Variants in CLRN1 observed in about 807,000 individuals in gnomAD.
CLRN1 encodes the protein clarin 1.
In CLRN1, 15 loss-of-function variants were observed where a neutral mutation model predicts 18.7. The observed-to-expected ratio is 0.80, with a 90% CI of 0.54 to 1.23. The LOEUF is 1.23. Ranked by LOEUF, CLRN1 falls within the 50% of genes most tolerant of loss-of-function variation. The pLI is 0.00. For missense variants in CLRN1, 311 were observed against 277.5 expected (o/e 1.12, Z -0.86); for synonymous variants, 104 against 102.9 (o/e 1.01, Z -0.07).
intron 1 of CLRN1, chr3:150,943,867 A>G: frequency 6.2e-7 from 1 of 1,614,178 alleles, no homozygotes. Flanking sequence ...TCACAGCACT[A>G]AAGCAGCCAG....
rs748584811 is a variant in CLRN1 at position 150,972,592 on chromosome 3, G to A, written c.117C>T (p.Leu39=). Residue 39 remains leucine (L), a synonymous_variant, in exon 1 of 3, where the codon CTC becomes CTT. Coordinates refer to ENST00000327047, the MANE Select transcript of CLRN1 (RefSeq NM_174878.3). ...GTPLWIKATV[L]CKTGALLVNA... ...TGACGAGCAGAGCTCCCGTTTTGCA[G>A]AGGACAGTGGCTTTGATCCACAACG... 6.2e-6 allele frequency: 10 copies of A among 1,614,126 alleles called. No individual in the cohort carries two copies. In the Admixed American group the frequency reaches 1.5e-4, roughly 24 times the overall value.
In CLRN1 at chr3:150,926,924, T is replaced by C. The variant is rs1471629686; in HGVS notation, c.*1012A>G. The stretch of plus-strand genomic sequence containing the variant: ...AGGGGAAAAAAAAAGTTGACCTGGG[T>C]CATGCTTGGTGACAGCCAGAACAAG... On this transcript the variant is annotated 3_prime_UTR_variant, in exon 3 of 3. Coordinates refer to ENST00000327047, the MANE Select transcript of CLRN1 (RefSeq NM_174878.3). 1 of 1,613,698 alleles carries C rather than the reference T, an allele frequency of 6.2e-7. No homozygotes were observed. Among genetic ancestry groups the C allele is most frequent in the Non-Finnish European group, 8.5e-7 (1 of 1,179,908 alleles).
chr3:150,926,600 C>T lies in CLRN1; in HGVS notation c.*1336G>A. 2.9e-6 allele frequency: 2 copies of T among 679,204 alleles called. No homozygotes were observed. The highest frequency in any genetic ancestry group is 2.8e-5 in the East Asian group (1 of 35,692). The allele number at this position is 679,204 out of a possible 1,614,324, so 42.1% of individuals were successfully genotyped here. ...GAAACTCGGTGTGTTCTGATGTCTG[C>T]TGGCGAATAGCGAATTGACACCAGA... is the stretch of plus-strand genomic sequence containing the variant. On this transcript the variant is annotated 3_prime_UTR_variant, in exon 3 of 3. Coordinates refer to ENST00000327047, the MANE Select transcript of CLRN1 (RefSeq NM_174878.3).
intron 1 of CLRN1, among the ~76,000 whole-genome samples, chr3:150,957,845 G>C (rs928729822): frequency 6.6e-6 from 1 of 152,036 alleles, no homozygotes; most frequent in African/African-American, 2.4e-5. Context: ...TTTTAGTAGA[G>C]ACGGGGTTTC....
rs747608693 is a variant in CLRN1 at position 150,926,815 on chromosome 3, C to G, written c.*1121G>C. On this transcript the variant is annotated 3_prime_UTR_variant, in exon 3 of 3. Coordinates refer to ENST00000327047, the MANE Select transcript of CLRN1 (RefSeq NM_174878.3). Reference sequence around the variant, plus strand: ...TTTTTCCTTGGTGCTTTCTGGAGGACAGCAGGTTGAGGATGAAGGAAGGGT... The same window carrying G: ...TTTTTCCTTGGTGCTTTCTGGAGGAGAGCAGGTTGAGGATGAAGGAAGGGT... 8.6e-5 allele frequency: 139 copies of G among 1,613,974 alleles called. No homozygotes were observed. Among genetic ancestry groups the G allele is most frequent in the Non-Finnish European group, 1.1e-4 (134 of 1,179,990 alleles).
At chr3:150,951,734 T>C (rs1714493523) in intron 1 of CLRN1, among the ~76,000 whole-genome samples, 1 of 152,150 alleles carries the variant, frequency 6.6e-6, no homozygotes, top group South Asian at 2.1e-4. Context: ...CCTCTGGGAA[T>C]TTAACAATCA....
intron 1 of CLRN1, among the ~76,000 whole-genome samples, chr3:150,947,891 C>T (rs1194842286): frequency 1.3e-5 from 2 of 152,168 alleles, no homozygotes; most frequent in Non-Finnish European, 2.9e-5. Flanking sequence ...CTCTGGGACA[C>T]AGCTAAGGCA....
chr3:150,943,960 T>C, intron 1 of CLRN1: 4 of 1,558,918 alleles, frequency 2.6e-6, no homozygotes, highest in Non-Finnish European at 3.5e-6. Context: ...GTACCCCTGT[T>C]GGGAGTCCCA....
chr3:150,957,181 C>G (rs749421737), intron 1 of CLRN1, among the ~76,000 whole-genome samples: 4 of 151,982 alleles, frequency 2.6e-5, no homozygotes, highest in Non-Finnish European at 5.9e-5. Context: ...TCAGCCTTTT[C>G]CTCTCTACTG....
At chr3:150,946,238 C>T (rs1312681033) in intron 1 of CLRN1, among the ~76,000 whole-genome samples, 2 of 152,140 alleles carry the variant, frequency 1.3e-5, no homozygotes, top group African/African-American at 4.8e-5. Context: ...AAGCACTTAT[C>T]TGATTTAATT....
chr3:150,941,134 G>GTCTATCTATCTA (rs147455281), intron 2 of CLRN1, among the ~76,000 whole-genome samples: 21,872 of 130,888 alleles, frequency 0.17, 2,010 homozygotes, highest in Middle Eastern at 0.22. Flanking sequence ...TTGTCTGTCT[G>GTCTATCTATCTA]TCTGTCTATC....
At chr3:150,964,869 G>A (rs999440096) in intron 1 of CLRN1, among the ~76,000 whole-genome samples, 1 of 149,390 alleles carries the variant, frequency 6.7e-6, no homozygotes, top group African/African-American at 2.5e-5. Flanking sequence ...ATGGACACAG[G>A]GAGGGGAATA....
chr3:150,968,364 G>A (rs931968426), intron 1 of CLRN1, among the ~76,000 whole-genome samples: 2 of 152,176 alleles, frequency 1.3e-5, no homozygotes, highest in African/African-American at 4.8e-5. Flanking sequence ...CACTAGTTGT[G>A]TCTCTTTGAA....
intron 1 of CLRN1, among the ~76,000 whole-genome samples, chr3:150,965,804 T>C (rs997516076): frequency 1.3e-5 from 2 of 152,246 alleles, no homozygotes; most frequent in African/African-American, 4.8e-5. Context: ...GGTGTGCGTG[T>C]GCACATGTGC....
upstream of CLRN1, chr3:150,972,864 A>G: frequency 1.0e-6 from 1 of 1,002,844 alleles, no homozygotes; most frequent in Non-Finnish European, 1.5e-6. Context: ...CGCCAGGTTA[A>G]ATGTCAGTAG....
At chr3:150,932,561 G>A (rs765828511) in intron 2 of CLRN1, among the ~76,000 whole-genome samples, 1 of 152,128 alleles carries the variant, frequency 6.6e-6, no homozygotes, top group African/African-American at 2.4e-5. Context: ...GATATTAGGG[G>A]CATTTCATTG....
intron 1 of CLRN1, among the ~76,000 whole-genome samples, chr3:150,964,732 G>C (rs1195391714): frequency 6.6e-6 from 1 of 151,966 alleles, no homozygotes; most frequent in Non-Finnish European, 1.5e-5. Flanking sequence ...GCCATAAAAT[G>C]AGTTCATGCC....
chr3:150,946,801 G>T (rs1012662015), intron 1 of CLRN1, among the ~76,000 whole-genome samples: 3 of 148,256 alleles, frequency 2.0e-5, no homozygotes, highest in Non-Finnish European at 4.4e-5. Context: ...CATTGTGCAG[G>T]TTAGTTACAT....
chr3:150,945,062 C>G (rs1314945207), intron 1 of CLRN1, among the ~76,000 whole-genome samples: 2 of 152,142 alleles, frequency 1.3e-5, no homozygotes, highest in Admixed American at 1.3e-4. Flanking sequence ...GGTAGTCACC[C>G]TCCAGGGCCA....
Sources: allele counts gnomAD v4.1 joint callset (sites outside exome capture counted in the v4.1 genomes callset), GRCh38; gene constraint gnomAD v4.1.1; transcripts MANE v1.5; gene names NCBI Gene and HGNC (gene_info 2026-07-23, HGNC 2026-07-21).